Variants in FBXO16 observed in about 807,000 individuals in gnomAD.
The protein encoded by FBXO16 is F-box only protein 16.
Under a neutral mutation model 41.0 loss-of-function variants are expected in FBXO16, and 31 were observed. That is an observed-to-expected ratio of 0.76 (90% CI 0.57 to 1.02). The LOEUF (loss-of-function observed/expected upper bound fraction) is 1.02. FBXO16 is among the 50% of genes least tolerant of loss of function. The pLI is 0.00. For synonymous variants in FBXO16, 133 were observed against 117.8 expected (o/e 1.13, Z -0.84); for missense variants, 361 against 346.2 (o/e 1.04, Z -0.34).
At chr8:28,478,964 T>G (rs1437775393) in intron 2 of FBXO16, among the ~76,000 whole-genome samples, 1 of 152,046 alleles carries the variant, frequency 6.6e-6, no homozygotes, top group Non-Finnish European at 1.5e-5. Context: ...TCTCATGAGA[T>G]CTGCTTGTTT....
rs1423130721 is a variant in FBXO16 at position 28,457,534 on chromosome 8, GC to G, written c.343-605del. Among the ~76,000 whole-genome samples, 6 of 152,124 alleles carry G rather than the reference GC, an allele frequency of 3.9e-5. No homozygotes were observed. The South Asian group carries it at 1.2e-3, about 31-fold the overall frequency. ...AAAGGCATGTCTTACATGGTGGCAG[GC>G]AAGAGAGAATGAAAGCCAAGCAAAA... is the stretch of plus-strand genomic sequence containing the variant. On this transcript the variant is annotated intron_variant, in intron 4 of 8. Transcript: ENST00000380254.
chr8:28,487,389 C>T lies in FBXO16; in HGVS notation c.-17+2797G>A, dbSNP rs992408211. Among the ~76,000 whole-genome samples, 5 of 144,722 alleles carry T rather than the reference C, an allele frequency of 3.5e-5. No homozygotes were observed. The East Asian group carries it at 1.0e-3, about 30-fold the overall frequency. 94.9% of individuals were successfully genotyped at this position (144,722 alleles called of 152,430 possible). A position where few individuals can be genotyped will look rare whatever the true frequency, so the allele number is the denominator to read the frequency against. ...AGACCATTTGCTACTATTAAGAAGA[C>T]AGATTTTTTTTTTTTTTTTTTTTGA... On this transcript the variant is annotated intron_variant, in intron 1 of 8. Coordinates refer to ENST00000380254, the MANE Select transcript of FBXO16 (RefSeq NM_172366.4).
At chr8:28,468,440 T>C (rs549409031) in intron 3 of FBXO16, among the ~76,000 whole-genome samples, 1 of 152,312 alleles carries the variant, frequency 6.6e-6, no homozygotes, top group East Asian at 1.9e-4. Context: ...CTTGTTTCTG[T>C]TGACTTATTG....
At chr8:28,447,123 G>T in intron 7 of FBXO16, 48 bp downstream of exon 7, 2 of 1,507,314 alleles carry the variant, frequency 1.3e-6, no homozygotes, top group South Asian at 1.2e-5. Context: ...GAGATCTGGA[G>T]ATTTTCATTA....
intron 3 of FBXO16, among the ~76,000 whole-genome samples, chr8:28,464,262 TC>T (rs1448745404): frequency 6.6e-6 from 1 of 152,132 alleles, no homozygotes; most frequent in Non-Finnish European, 1.5e-5. Flanking sequence ...CAAATATCCC[TC>T]AGAAGGAAAG....
intron 7 of FBXO16, among the ~76,000 whole-genome samples, chr8:28,433,910 C>G (rs1019247889): frequency 5.3e-5 from 8 of 151,496 alleles, no homozygotes; most frequent in Non-Finnish European, 8.8e-5. Context: ...ACAGGAACAG[C>G]CTGTATATAC....
At chr8:28,434,348 A>C (rs182514006) in intron 7 of FBXO16, among the ~76,000 whole-genome samples, 1 of 152,282 alleles carries the variant, frequency 6.6e-6, no homozygotes, top group African/African-American at 2.4e-5. Context: ...CATTGGATCA[A>C]CCCAAGGATC....
chr8:28,472,449 T>C (rs1803353189), intron 3 of FBXO16, among the ~76,000 whole-genome samples: 1 of 152,092 alleles, frequency 6.6e-6, no homozygotes, highest in African/African-American at 2.4e-5. Context: ...AGGCAGGATC[T>C]CTTGGGCTGG....
chr8:28,453,286 T>A (rs988197052), intron 5 of FBXO16, among the ~76,000 whole-genome samples: 2 of 149,454 alleles, frequency 1.3e-5, no homozygotes, highest in Non-Finnish European at 2.9e-5. Flanking sequence ...CCTACTCTTG[T>A]ACTCTGCCAT....
intron 7 of FBXO16, among the ~76,000 whole-genome samples, chr8:28,433,223 A>AT (rs989117741): frequency 6.6e-6 from 1 of 152,082 alleles, no homozygotes; most frequent in Non-Finnish European, 1.5e-5. Flanking sequence ...TTCTAGAGGT[A>AT]TTTACCCAAT....
At chr8:28,439,103 AAAAAAAGAAAAG>A (rs1016783154) in intron 7 of FBXO16, among the ~76,000 whole-genome samples, 11 of 151,770 alleles carry the variant, frequency 7.2e-5, no homozygotes, top group South Asian at 6.2e-4. Flanking sequence ...TCAAAAAAAA[AAAAAAAGAAAAG>A]AAAAGAAAAG....
chr8:28,483,666 T>G (rs1803553529), intron 1 of FBXO16, among the ~76,000 whole-genome samples: 1 of 149,982 alleles, frequency 6.7e-6, no homozygotes, highest in African/African-American at 2.5e-5. Context: ...TAAAAATAAA[T>G]GTAATAAACA....
intron 4 of FBXO16, among the ~76,000 whole-genome samples, 198 bp downstream of exon 4, chr8:28,463,414 G>A (rs551895996): frequency 5.8e-4 from 88 of 151,838 alleles, no homozygotes; most frequent in Middle Eastern, 6.8e-3. Flanking sequence ...TTGTGTGTGT[G>A]TATATGTATG....
At chr8:28,483,227 T>C in intron 2 of FBXO16, 121 bp downstream of exon 2, 1 of 918,888 alleles carries the variant, frequency 1.1e-6, no homozygotes, top group Non-Finnish European at 1.6e-6. Context: ...TTCATTTTGG[T>C]TTTTATTCAT....
At chr8:28,479,199 A>C (rs1024257204) in intron 2 of FBXO16, among the ~76,000 whole-genome samples, 1 of 152,118 alleles carries the variant, frequency 6.6e-6, no homozygotes, top group African/African-American at 2.4e-5. Flanking sequence ...CTGAAGCATC[A>C]TGGCAGCTTC....
chr8:28,438,871 A>AGG (rs1802722242), intron 7 of FBXO16, among the ~76,000 whole-genome samples: 1 of 152,152 alleles, frequency 6.6e-6, no homozygotes, highest in Non-Finnish European at 1.5e-5. Flanking sequence ...AGGCTGAGGC[A>AGG]AATGGACTTC....
chr8:28,488,734 G>C (rs1040346309), intron 1 of FBXO16, among the ~76,000 whole-genome samples: 1 of 152,136 alleles, frequency 6.6e-6, no homozygotes, highest in African/African-American at 2.4e-5. Flanking sequence ...TTTTTTAAAA[G>C]ACCAGTTGAT....
At chr8:28,462,530 T>G (rs534979092) in intron 4 of FBXO16, among the ~76,000 whole-genome samples, 8 of 150,964 alleles carry the variant, frequency 5.3e-5, no homozygotes, top group South Asian at 4.2e-4. Context: ...CGCCCGCCTC[T>G]GCCTCCCAAA....
chr8:28,447,584 A>G, intron 6 of FBXO16: 2 of 262,368 alleles, frequency 7.6e-6, no homozygotes, highest in Non-Finnish European at 1.5e-5. Flanking sequence ...GGGTGCTGCC[A>G]TTCCTTTCAA....
Sources: gnomAD v4.1 joint callset for allele counts (sites outside exome capture counted in the v4.1 genomes callset) on GRCh38, gnomAD v4.1.1 for gene constraint, MANE v1.5 for transcripts, NCBI Gene and HGNC (gene_info 2026-07-23, HGNC 2026-07-21) for gene names.